The following CACNA1B variants were observed in gnomAD, a reference collection of about 807,000 sequenced individuals.
CACNA1B encodes the protein calcium voltage-gated channel subunit alpha1 B.
In CACNA1B, 70 loss-of-function variants were observed where a neutral mutation model predicts 247.2. The observed-to-expected ratio is 0.28, with a 90% confidence interval of 0.23 to 0.35. The LOEUF (loss-of-function observed/expected upper bound fraction) is 0.35. CACNA1B is among the 10% of genes least tolerant of loss of function. CACNA1B has a pLI of 1.00. For missense variants in CACNA1B, 2,367 were observed against 3,197.4 expected, an observed-to-expected ratio of 0.74 and a Z score of 6.26; for synonymous variants, 1,231 against 1,294.4, an observed-to-expected ratio of 0.95 and a Z score of 1.05.
chr9:138,084,983 A>G (rs1960648171), intron 36 of CACNA1B, among the ~76,000 whole-genome samples: 1 of 150,388 alleles, frequency 6.6e-6, no homozygotes, highest in Admixed American at 6.6e-5. Context: ...AGGAAATCTG[A>G]CATCACCCAA....
chr9:137,998,732 G>C (rs1589057238), intron 15 of CACNA1B, among the ~76,000 whole-genome samples: 1 of 152,234 alleles, frequency 6.6e-6, no homozygotes, highest in East Asian at 1.9e-4. Context: ...GCATGAACTT[G>C]CAGGACCTAA....
chr9:137,942,486 A>G (rs1214855120), intron 6 of CACNA1B, among the ~76,000 whole-genome samples: 1 of 152,236 alleles, frequency 6.6e-6, no homozygotes, highest in Non-Finnish European at 1.5e-5. Context: ...GTCTACCAAG[A>G]GGAAAATAAG....
At chr9:138,036,695 A>G (rs374966693) in intron 20 of CACNA1B, among the ~76,000 whole-genome samples, 6 of 152,188 alleles carry the variant, frequency 3.9e-5, no homozygotes, top group Non-Finnish European at 8.8e-5. Context: ...AATAAAATCA[A>G]TTTTATTGTG....
intron 3 of CACNA1B, among the ~76,000 whole-genome samples, chr9:137,908,921 A>C (rs1957328868): frequency 6.6e-6 from 1 of 151,612 alleles, no homozygotes; most frequent in African/African-American, 2.4e-5. Context: ...GTGAGCCACC[A>C]CACCTGGCTA....
chr9:138,066,694 A>T (rs1959930229), intron 31 of CACNA1B, among the ~76,000 whole-genome samples: 1 of 152,198 alleles, frequency 6.6e-6, no homozygotes, highest in South Asian at 2.1e-4. Flanking sequence ...ATAACAGAAA[A>T]ACAATGAAAA....
In CACNA1B at chr9:138,014,137, G is replaced by A. The variant is rs185365848; in HGVS notation, c.2267+902G>A. On this transcript the variant is annotated intron_variant, in intron 18 of 46. Coordinates refer to ENST00000371372, the MANE Select transcript of CACNA1B (RefSeq NM_000718.4). The surrounding 1 kb of genome is among the most constrained non-coding windows in gnomAD (Gnocchi z 6.2). ...CACTTCTGTGTAAGCATGTTGGCAT[G>A]TGGATGAGTGTGCTAGGTATGTGTG... Among the ~76,000 whole-genome samples, 62 of 152,382 alleles carry A rather than the reference G, an allele frequency of 4.1e-4. No individual in the cohort carries two copies. The highest frequency in any genetic ancestry group is 6.6e-4 in the Non-Finnish European group (45 of 68,040).
chr9:137,968,530 G>A (rs1958108379), intron 10 of CACNA1B, among the ~76,000 whole-genome samples: 1 of 152,228 alleles, frequency 6.6e-6, no homozygotes, highest in South Asian at 2.1e-4. Context: ...CCATCAGCTC[G>A]TGCTTTAGCC....
Position 138,051,810 on chromosome 9 carries a change from G to A in CACNA1B, c.3711-282G>A, listed in dbSNP as rs201221999. Among the ~76,000 whole-genome samples the A allele has an allele frequency of 6.6e-6, 1 of 152,194 alleles. No individual in the cohort carries two copies. Among genetic ancestry groups the A allele is most frequent in the African/African-American group, 2.4e-5 (1 of 41,450 alleles). ...TCCTCTTAATCCTGGAATCTGGGGT[G>A]GGAGGGGTGTCAGGGGTGATGGTTC... On this transcript the variant is annotated intron_variant, in intron 24 of 46. Coordinates refer to ENST00000371372, the MANE Select transcript of CACNA1B (RefSeq NM_000718.4). This position sits in a 1 kb window ranked among gnomAD's most constrained non-coding sequence, Gnocchi z 4.3.
intron 6 of CACNA1B, among the ~76,000 whole-genome samples, chr9:137,934,959 A>G (rs577268282): frequency 9.8e-5 from 15 of 152,332 alleles, no homozygotes; most frequent in Non-Finnish European, 1.9e-4. Flanking sequence ...CTCACTAGCA[A>G]TGGGTCCAAA....
intron 18 of CACNA1B, among the ~76,000 whole-genome samples, chr9:138,017,831 C>T (rs1490056620): frequency 2.0e-5 from 3 of 152,230 alleles, no homozygotes; most frequent in Admixed American, 6.5e-5. Flanking sequence ...TCATGGATGG[C>T]TGGTCCGCAG....
At chr9:137,975,569 G>A (rs1958209779) in intron 11 of CACNA1B, among the ~76,000 whole-genome samples, 1 of 152,172 alleles carries the variant, frequency 6.6e-6, no homozygotes, top group African/African-American at 2.4e-5. Flanking sequence ...TTGCCTCATA[G>A]CCCCAGGACC....
intron 32 of CACNA1B, among the ~76,000 whole-genome samples, chr9:138,070,588 G>A (rs923772643): frequency 9.9e-5 from 15 of 152,218 alleles, no homozygotes; most frequent in African/African-American, 3.4e-4. Flanking sequence ...TTTGAGAGTC[G>A]TGTAAAAGTG....
intron 3 of CACNA1B, among the ~76,000 whole-genome samples, chr9:137,885,029 C>T (rs1441837171): frequency 4.3e-5 from 6 of 138,362 alleles, no homozygotes; most frequent in Non-Finnish European, 9.3e-5. Context: ...CTCTGGCCCT[C>T]TTGGTGTCTT....
chr9:137,979,711 C>T (rs1958271735), intron 12 of CACNA1B, among the ~76,000 whole-genome samples: 1 of 152,208 alleles, frequency 6.6e-6, no homozygotes, highest in African/African-American at 2.4e-5. Context: ...ACAGTATCAG[C>T]TCAAAATCCA....
At chr9:137,981,132 G>A (rs538447869) in intron 12 of CACNA1B, among the ~76,000 whole-genome samples, 3 of 152,256 alleles carry the variant, frequency 2.0e-5, no homozygotes, top group Admixed American at 6.5e-5. Context: ...CCTTTTCTCC[G>A]TAGCTTCGCC....
At chr9:137,915,052 T>C (rs1957395381) in intron 5 of CACNA1B, among the ~76,000 whole-genome samples, 2 of 152,238 alleles carry the variant, frequency 1.3e-5, no homozygotes, top group African/African-American at 4.8e-5. Context: ...TAGAATAATT[T>C]GGGGCCTGCT....
chr9:137,894,302 ATTTTT>A (rs56794355), intron 3 of CACNA1B, among the ~76,000 whole-genome samples: 10 of 96,072 alleles, frequency 1.0e-4, no homozygotes, highest in Middle Eastern at 6.3e-3. Context: ...TTGTCTCTGT[ATTTTT>A]TTTTTTTTTT....
chr9:137,964,740 G>A (rs189285492), intron 10 of CACNA1B, among the ~76,000 whole-genome samples: 6 of 152,286 alleles, frequency 3.9e-5, no homozygotes, highest in Admixed American at 3.3e-4. Context: ...AGCCCTTGCT[G>A]GAGAGGTGTT....
intron 42 of CACNA1B, 91 bp from the exon 43 acceptor site, chr9:138,117,855 G>T: frequency 9.8e-7 from 1 of 1,015,946 alleles, no homozygotes; most frequent in Non-Finnish European, 1.4e-6. Flanking sequence ...TGCATGTGTT[G>T]GAGACGCCTG....
Sources: gnomAD v4.1 joint callset for allele counts (sites outside exome capture counted in the v4.1 genomes callset) on GRCh38, gnomAD v4.1.1 for gene constraint, Gnocchi (gnomAD v3.1) non-coding constraint, MANE v1.5 for transcripts, NCBI Gene and HGNC (gene_info 2026-07-23, HGNC 2026-07-21) for gene names.